CLIP2: variants seen among roughly 807,000 people sequenced by gnomAD.
The protein encoded by CLIP2 is CAP-Gly domain-containing linker protein 2.
CLIP2 carries 41 observed loss-of-function variants against 111.7 expected under a neutral mutation model. The observed-to-expected ratio is 0.37, with a 90% CI of 0.29 to 0.48. The LOEUF (loss-of-function observed/expected upper bound fraction) is 0.48, where lower values mean the gene tolerates loss of function less well. Among genes scored for constraint, CLIP2 ranks in the 20% least tolerant of loss-of-function variants. The pLI, the probability that CLIP2 is intolerant of heterozygous loss-of-function variation, is 0.99. For synonymous variants in CLIP2, 660 were observed against 644.2 expected (o/e 1.02, Z -0.37); for missense variants, 1,160 against 1,422.1 (o/e 0.82, Z 2.96).
intron 14 of CLIP2, among the ~76,000 whole-genome samples, chr7:74,399,000 T>C (rs1554317127): frequency 6.6e-6 from 1 of 151,508 alleles, no homozygotes; most frequent in Non-Finnish European, 1.5e-5. Flanking sequence ...CTCCCTGCAC[T>C]GTGTCCACGG....
intron 2 of CLIP2, among the ~76,000 whole-genome samples, chr7:74,336,902 T>TG (rs1789489110): frequency 6.8e-6 from 1 of 147,502 alleles, no homozygotes; most frequent in African/African-American, 2.5e-5. Context: ...TTTTTTTTTT[T>TG]TGAGACAGAG....
chr7:74,293,893 C>T (rs1270927149), intron 1 of CLIP2, among the ~76,000 whole-genome samples: 11 of 151,208 alleles, frequency 7.3e-5, no homozygotes, highest in Non-Finnish European at 1.2e-4. Flanking sequence ...TGGGTCCAAC[C>T]GGCAGCGTGG....
chr7:74,389,209 C>T lies in CLIP2; in HGVS notation c.2670C>T (p.Asp890=), dbSNP rs111934854. The T allele has an allele frequency of 7.8e-5, 126 of 1,612,574 alleles. No homozygotes were observed. Among genetic ancestry groups the T allele is most frequent in the East Asian group, 6.2e-4 (28 of 44,824 alleles). The change falls in exon 13 of 17, where the codon GAC becomes GAT. Residue 890 remains aspartate (D), a synonymous_variant. Transcript: ENST00000223398. The part of the protein sequence containing the change: ...ELETVSRKTH[D]ASGQLVLISQ... ...AGACCGTGTCCCGGAAGACCCATGACGCCTCGGGCCAGCTAGTCCTCATCA... is the reference window on the plus strand; with the variant it reads ...AGACCGTGTCCCGGAAGACCCATGATGCCTCGGGCCAGCTAGTCCTCATCA...
chr7:74,398,584 G>T (rs1188143476), intron 14 of CLIP2, among the ~76,000 whole-genome samples: 1 of 152,226 alleles, frequency 6.6e-6, no homozygotes, highest in Non-Finnish European at 1.5e-5. Flanking sequence ...CCCAGCCCTG[G>T]GCAAGGGGGT....
intron 14 of CLIP2, among the ~76,000 whole-genome samples, chr7:74,399,902 C>T (rs1435504724): frequency 1.3e-5 from 2 of 151,266 alleles, no homozygotes; most frequent in Non-Finnish European, 2.9e-5. Flanking sequence ...TGCCTGTAAT[C>T]CCAGCACTTT....
At chr7:74,310,983 CTTT>C (rs34526196) in intron 1 of CLIP2, among the ~76,000 whole-genome samples, 3 of 142,204 alleles carry the variant, frequency 2.1e-5, no homozygotes, top group Non-Finnish European at 1.5e-5. Flanking sequence ...CTATTTTTAA[CTTT>C]TTTTTTTTTT....
chr7:74,356,649 TTC>T, intron 5 of CLIP2, 26 bp downstream of exon 5: 2 of 1,593,224 alleles, frequency 1.3e-6, no homozygotes, highest in Non-Finnish European at 1.7e-6. Context: ...CAGAAGGGGA[TTC>T]TCTGGTGTGC....
chr7:74,363,727 C>A (rs1308270707), intron 7 of CLIP2, among the ~76,000 whole-genome samples: 1 of 151,876 alleles, frequency 6.6e-6, no homozygotes, highest in Non-Finnish European at 1.5e-5. Flanking sequence ...TCTACTAAAA[C>A]TACAAAAATT....
rs781817108 is a variant in CLIP2 at position 74,400,361 on chromosome 7, C to T, written c.2881-9C>T. On this transcript the variant is annotated splice_polypyrimidine_tract_variant and intron_variant, in intron 14 of 16. Coordinates refer to ENST00000223398, the MANE Select transcript of CLIP2 (RefSeq NM_003388.5). ...CTCATGTACTCTTCCACTCTCCTGC[C>T]ACTTCCAGGACAAAGAGAAATCCCT... is the stretch of plus-strand genomic sequence containing the variant. The T allele has an allele frequency of 1.3e-6, 2 of 1,597,822 alleles. No individual in the cohort carries two copies. Among genetic ancestry groups the T allele is most frequent in the Non-Finnish European group, 1.7e-6 (2 of 1,169,558 alleles).
In CLIP2 at chr7:74,399,039, TA is replaced by T. The variant is rs199967819; in HGVS notation, c.2881-1330del. 7.4e-3 allele frequency among the ~76,000 whole-genome samples: 1,118 copies of T among 151,452 alleles called. 12 individuals are homozygous for T. Among genetic ancestry groups the T allele is most frequent in the African/African-American group, 0.025 (1,032 of 41,258 alleles). On this transcript the variant is annotated intron_variant, in intron 14 of 16. Transcript: ENST00000223398. ...AACTTGGGAAGCCTTGGTGTGTGGG[TA>T]GAAGCCTCTTGATTTCAGGATGGAG...
In CLIP2 at chr7:74,376,055, G is replaced by A. The variant is rs1261728093; in HGVS notation, c.1654G>A (p.Ala552Thr). 2 of 1,612,674 alleles carry A rather than the reference G, an allele frequency of 1.2e-6. No homozygotes were observed. Among genetic ancestry groups the A allele is most frequent in the Non-Finnish European group, 1.7e-6 (2 of 1,179,920 alleles). ...ILRLRERLLS[A>T]SKEHQRESGV... is the part of the protein sequence containing the mutation. ...GCGGCTACGGGAGCGGCTGCTCTCG[G>A]CCAGCAAGGAACACCAGAGGGAGAG... Residue 552 changes from alanine (A) to threonine (T), a missense_variant, in exon 10 of 17, where the codon GCC becomes ACC. By Grantham distance (58) the Ala-to-Thr change is moderately conservative. Around this residue, in one of 5 missense-constraint regions of CLIP2, gnomAD observed 676 missense variants for 777.8 expected, o/e 0.87. Coordinates refer to ENST00000223398, the MANE Select transcript of CLIP2 (RefSeq NM_003388.5). This position sits in a 1 kb window ranked among gnomAD's most constrained non-coding sequence, Gnocchi z 7.1.
intron 1 of CLIP2, among the ~76,000 whole-genome samples, chr7:74,308,977 C>G (rs1788566944): frequency 6.6e-6 from 1 of 152,136 alleles, no homozygotes; most frequent in Non-Finnish European, 1.5e-5. Context: ...AAGCAATCCT[C>G]TCACCTTAGC....
At chr7:74,330,638 T>C (rs1267771120) in intron 2 of CLIP2, among the ~76,000 whole-genome samples, 3 of 152,124 alleles carry the variant, frequency 2.0e-5, no homozygotes, top group African/African-American at 7.2e-5. Context: ...GTGCTGGATG[T>C]CGGGATGCTC....
In CLIP2 at chr7:74,400,689, T is replaced by G. The variant is rs541283365; in HGVS notation, c.3066+134T>G. 3 of 878,428 alleles carry G rather than the reference T, an allele frequency of 3.4e-6. No individual in the cohort carries two copies. In the East Asian group the frequency reaches 8.2e-5, roughly 24 times the overall value. The allele number at this position is 878,428 out of a possible 1,614,324, so 54.4% of individuals were successfully genotyped here. On this transcript the variant is annotated intron_variant, in intron 15 of 16. Transcript: ENST00000223398. ...AGGTAGGGAGCTCGTCCCAGGAACC[T>G]GGTCTGAAGGGGGAGGTAGCCCTGT...
In CLIP2 at chr7:74,338,052, A is replaced by C. The variant is rs1189799112; in HGVS notation, c.122-396A>C. 3.9e-5 allele frequency among the ~76,000 whole-genome samples: 6 copies of C among 152,086 alleles called. No homozygotes were observed. The highest frequency in any genetic ancestry group is 1.4e-4 in the African/African-American group (6 of 41,400). On this transcript the variant is annotated intron_variant, in intron 2 of 16. Transcript: ENST00000223398. The surrounding 1 kb of genome is among the most constrained non-coding windows in gnomAD (Gnocchi z 4.3). The stretch of plus-strand genomic sequence containing the variant: ...CCATGTCTCTACAAAAAAATACAAA[A>C]ATTAGCCCAGTGTAGTGGCAGGTGT...
At chr7:74,363,838 G>A (rs2116625051) in intron 7 of CLIP2, among the ~76,000 whole-genome samples, 1 of 149,734 alleles carries the variant, frequency 6.7e-6, no homozygotes. Context: ...AGAGGCCTCA[G>A]TGAGCCGAGA....
intron 2 of CLIP2, among the ~76,000 whole-genome samples, chr7:74,322,907 T>C: frequency 6.6e-6 from 1 of 151,956 alleles, no homozygotes; most frequent in Admixed American, 6.6e-5. Context: ...ATTTTTGTAT[T>C]TTTAATAGAG....
intron 3 of CLIP2, among the ~76,000 whole-genome samples, chr7:74,339,315 T>A (rs1393156804): frequency 2.0e-5 from 3 of 152,024 alleles, no homozygotes; most frequent in African/African-American, 7.2e-5. Context: ...ATTTATTTAT[T>A]TATTTTTGAG....
intron 3 of CLIP2, among the ~76,000 whole-genome samples, chr7:74,349,468 G>GTATATATATATA (rs1385137051): frequency 9.7e-5 from 6 of 61,774 alleles, no homozygotes; most frequent in Non-Finnish European, 1.3e-4. Flanking sequence ...GTGTGTGTGT[G>GTATATATATATA]TGTATATATA....
Sources: allele counts gnomAD v4.1 joint callset (sites outside exome capture counted in the v4.1 genomes callset), GRCh38; gene constraint gnomAD v4.1.1; regional missense constraint gnomAD v4.1.1; non-coding constraint Gnocchi (gnomAD v3.1); transcripts MANE v1.5; gene names NCBI Gene and HGNC (gene_info 2026-07-23, HGNC 2026-07-21).